CCDC146: variants seen among roughly 807,000 people sequenced by gnomAD.
CCDC146 encodes coiled-coil domain-containing protein 146.
In CCDC146, 92 loss-of-function variants were observed where a neutral mutation model predicts 119.3. That is an observed-to-expected ratio of 0.77 (90% CI 0.65 to 0.92). The LOEUF is 0.92. Among genes scored for constraint, CCDC146 ranks in the 40% least tolerant of loss-of-function variants. The probability of loss-of-function intolerance (pLI) is 0.00; values close to 1 mark genes in which losing one functional copy is unlikely to be tolerated. For synonymous variants in CCDC146, 372 were observed against 371.8 expected (o/e 1.00, Z -0.01); for missense variants, 1,000 against 1,103.0 (o/e 0.91, Z 1.32).
At chr7:77,286,744 C>G in intron 15 of CCDC146, 54 bp from the exon 16 acceptor site, 1 of 1,580,148 alleles carries the variant, frequency 6.3e-7, no homozygotes, top group Non-Finnish European at 8.6e-7. Flanking sequence ...ATGTGATTTT[C>G]AGATTAACTG....
chr7:77,140,184 C>T (rs1370218717), intron 1 of CCDC146, among the ~76,000 whole-genome samples: 1 of 151,766 alleles, frequency 6.6e-6, no homozygotes, highest in Non-Finnish European at 1.5e-5. Flanking sequence ...CATGAGCCAC[C>T]GTTCCCGGCC....
chr7:77,260,462 G>A (rs1470584366), intron 8 of CCDC146, among the ~76,000 whole-genome samples: 1 of 152,152 alleles, frequency 6.6e-6, no homozygotes, highest in African/African-American at 2.4e-5. Flanking sequence ...GATATAATCT[G>A]TTGTATGTTG....
intron 1 of CCDC146, among the ~76,000 whole-genome samples, chr7:77,123,042 G>T (rs757663735): frequency 4.2e-5 from 6 of 143,462 alleles, no homozygotes; most frequent in Non-Finnish European, 9.2e-5. Flanking sequence ...TTGCCTCAAA[G>T]GGTTTTTGTG....
intron 2 of CCDC146, among the ~76,000 whole-genome samples, chr7:77,202,417 C>A (rs930478810): frequency 2.6e-5 from 4 of 152,234 alleles, no homozygotes; most frequent in African/African-American, 9.6e-5. Flanking sequence ...GCGTGTCAAG[C>A]ACTGCTGCTA....
intron 13 of CCDC146, among the ~76,000 whole-genome samples, chr7:77,279,926 TG>T (rs1483734169): frequency 6.6e-6 from 1 of 152,198 alleles, no homozygotes; most frequent in African/African-American, 2.4e-5. Context: ...AATTATAAAG[TG>T]GCCTCATTTC....
chr7:77,162,419 A>T (rs557062009), intron 1 of CCDC146, among the ~76,000 whole-genome samples: 57 of 152,346 alleles, frequency 3.7e-4, no homozygotes, highest in African/African-American at 1.3e-3. Flanking sequence ...TGCATTCTTG[A>T]CATCCATGCC....
chr7:77,188,337 T>A (rs770221257), intron 2 of CCDC146, among the ~76,000 whole-genome samples: 104 of 152,172 alleles, frequency 6.8e-4, no homozygotes, highest in Non-Finnish European at 1.2e-3. Flanking sequence ...CACAATTTTT[T>A]AAAAAGATCA....
intron 2 of CCDC146, among the ~76,000 whole-genome samples, chr7:77,215,799 C>T (rs1257597771): frequency 6.6e-6 from 1 of 152,004 alleles, no homozygotes; most frequent in African/African-American, 2.4e-5. Context: ...AAAATAGTTG[C>T]AGGTCTTTTT....
intron 2 of CCDC146, among the ~76,000 whole-genome samples, chr7:77,189,723 G>A (rs1309621799): frequency 6.6e-6 from 1 of 152,104 alleles, no homozygotes; most frequent in Admixed American, 6.5e-5. Context: ...CATCTTTGCT[G>A]ACCTTCAAAC....
intron 2 of CCDC146, among the ~76,000 whole-genome samples, chr7:77,211,010 G>A (rs748572186): frequency 7.2e-5 from 11 of 152,148 alleles, no homozygotes; most frequent in Non-Finnish European, 1.3e-4. Context: ...GGGACACAAT[G>A]CCAAACTATA....
At chr7:77,291,885 T>C (rs1026352545) in intron 17 of CCDC146, among the ~76,000 whole-genome samples, 1 of 152,272 alleles carries the variant, frequency 6.6e-6, no homozygotes, top group Non-Finnish European at 1.5e-5. Flanking sequence ...TCATTTCAGA[T>C]GCAGAACTTC....
At chr7:77,214,359 C>T (rs1011137480) in intron 2 of CCDC146, among the ~76,000 whole-genome samples, 2 of 152,030 alleles carry the variant, frequency 1.3e-5, no homozygotes, top group Non-Finnish European at 2.9e-5. Context: ...TGTCCTTTGT[C>T]AGCCTGATAG....
At chr7:77,160,353 C>T (rs1033412925) in intron 1 of CCDC146, among the ~76,000 whole-genome samples, 8 of 152,084 alleles carry the variant, frequency 5.3e-5, no homozygotes, top group Non-Finnish European at 8.8e-5. Flanking sequence ...TATAAATTAC[C>T]TTGGGCAGTA....
intron 4 of CCDC146, among the ~76,000 whole-genome samples, chr7:77,244,266 G>A (rs1739544129): frequency 6.6e-6 from 1 of 152,098 alleles, no homozygotes; most frequent in African/African-American, 2.4e-5. Context: ...AGTAAATTTT[G>A]TAAAGTAAAA....
intron 2 of CCDC146, among the ~76,000 whole-genome samples, chr7:77,210,628 C>T (rs1040133669): frequency 6.6e-6 from 1 of 152,214 alleles, no homozygotes; most frequent in Non-Finnish European, 1.5e-5. Flanking sequence ...CCCCACTTCT[C>T]TGGTACCAAT....
chr7:77,286,081 CAT>C (rs2150552510), intron 15 of CCDC146, among the ~76,000 whole-genome samples: 1 of 152,174 alleles, frequency 6.6e-6, no homozygotes, highest in South Asian at 2.1e-4. Flanking sequence ...GGCTGGATAA[CAT>C]AAAGAAAAGA....
intron 1 of CCDC146, among the ~76,000 whole-genome samples, chr7:77,138,704 G>C (rs568147472): frequency 2.8e-4 from 42 of 152,212 alleles, no homozygotes; most frequent in African/African-American, 9.4e-4. Flanking sequence ...ATTTAAAAAC[G>C]GGCCAAAGAC....
At position 77,180,321 on chromosome 7, in the gene CCDC146, C is replaced by T. The variant is rs1584046742; in HGVS notation, c.156+12497C>T. ...CCCATATTTTGTTTATCCATTCATC[C>T]ACTGATGGACACTTGGGTTGCTTCT... On this transcript the variant is annotated intron_variant, in intron 2 of 18. Transcript: ENST00000285871. Among the ~76,000 whole-genome samples the T allele has an allele frequency of 3.9e-5, 6 of 152,194 alleles. No homozygotes were observed. The South Asian group carries it at 1.2e-3, about 32-fold the overall frequency.
chr7:77,237,744 T>C (rs1792765140), intron 3 of CCDC146, among the ~76,000 whole-genome samples: 2 of 152,160 alleles, frequency 1.3e-5, no homozygotes, highest in Non-Finnish European at 2.9e-5. Context: ...CAGGCTATCA[T>C]AGAAGAGTCC....
Sources: allele counts gnomAD v4.1 joint callset (sites outside exome capture counted in the v4.1 genomes callset), GRCh38; gene constraint gnomAD v4.1.1; transcripts MANE v1.5; gene names NCBI Gene and HGNC (gene_info 2026-07-23, HGNC 2026-07-21).